PCDH7: variants seen among roughly 807,000 people sequenced by gnomAD.
PCDH7 encodes protocadherin-7.
In PCDH7, 17 loss-of-function variants were observed where a neutral mutation model predicts 58.9. The observed-to-expected ratio is 0.29, with a 90% CI of 0.20 to 0.43. The LOEUF is 0.43. Among genes scored for constraint, PCDH7 ranks in the 20% least tolerant of loss-of-function variants. The pLI, the probability that PCDH7 is intolerant of heterozygous loss-of-function variation, is 1.00. For missense variants in PCDH7, 1,274 were observed against 1,441.0 expected (o/e 0.88, Z 1.88); for synonymous variants, 664 against 616.4 (o/e 1.08, Z -1.14).
At chr4:30,824,921 G>T (rs1728912632) in intron 1 of PCDH7, among the ~76,000 whole-genome samples, 1 of 152,136 alleles carries the variant, frequency 6.6e-6, no homozygotes. Context: ...ACAGAGGCTG[G>T]AGTGGGGCTT....
At chr4:30,768,657 C>T (rs528342143) in intron 1 of PCDH7, among the ~76,000 whole-genome samples, 1 of 152,328 alleles carries the variant, frequency 6.6e-6, no homozygotes, top group South Asian at 2.1e-4. Flanking sequence ...CTGTTTTTAT[C>T]ACCAGTGAAC....
chr4:31,084,088 G>C (rs567656871), intron 3 of PCDH7, among the ~76,000 whole-genome samples: 1 of 152,222 alleles, frequency 6.6e-6, no homozygotes, highest in African/African-American at 2.4e-5. Flanking sequence ...TTATAAATTT[G>C]ATGTATAGTT....
chr4:30,885,959 AC>A (rs1453649879), intron 1 of PCDH7, among the ~76,000 whole-genome samples: 9 of 152,070 alleles, frequency 5.9e-5, no homozygotes, highest in Non-Finnish European at 8.8e-5. Flanking sequence ...TACACCTTAT[AC>A]AAAAATCAAT....
intron 1 of PCDH7, among the ~76,000 whole-genome samples, chr4:30,768,772 C>T (rs1163759026): frequency 6.6e-6 from 1 of 152,142 alleles, no homozygotes; most frequent in African/African-American, 2.4e-5. Flanking sequence ...TCTTTAAAAT[C>T]AGCTGGAAAC....
rs778046382 is a variant in PCDH7 at position 30,934,966 on chromosome 4, TC to T, written c.287+14599del. 2.0e-5 allele frequency among the ~76,000 whole-genome samples: 3 copies of T among 152,220 alleles called. No individual in the cohort carries two copies. In the East Asian group the frequency reaches 5.8e-4, roughly 29 times the overall value. On this transcript the variant is annotated intron_variant, in intron 2 of 3. Transcript: ENST00000509759. ...AATTATGATAATAACTGCCCTATCT[TC>T]CTCAAAGGTTTATGTGCAGTTGGAC...
At chr4:30,986,975 G>C (rs1751028279) in intron 3 of PCDH7, among the ~76,000 whole-genome samples, 1 of 144,806 alleles carries the variant, frequency 6.9e-6, no homozygotes, top group Non-Finnish European at 1.6e-5. Context: ...GCGAGATTCC[G>C]TCTCAAAAAA....
chr4:31,080,053 T>C (rs1016221280), intron 3 of PCDH7, among the ~76,000 whole-genome samples: 5 of 152,208 alleles, frequency 3.3e-5, no homozygotes, highest in Non-Finnish European at 7.3e-5. Context: ...AATACCTTCC[T>C]GCAATAAGAT....
chr4:31,131,128 T>C (rs1718928261), intron 3 of PCDH7, among the ~76,000 whole-genome samples: 1 of 152,146 alleles, frequency 6.6e-6, no homozygotes, highest in Non-Finnish European at 1.5e-5. Context: ...TCTAAATCCA[T>C]GCAGCCTGAG....
intron 3 of PCDH7, among the ~76,000 whole-genome samples, chr4:31,133,944 A>G (rs1560256033): frequency 6.6e-6 from 1 of 152,182 alleles, no homozygotes; most frequent in Non-Finnish European, 1.5e-5. Flanking sequence ...ACATGTTTAA[A>G]CATTTTAATA....
At chr4:30,787,342 T>C (rs1723539320) in intron 1 of PCDH7, among the ~76,000 whole-genome samples, 1 of 151,924 alleles carries the variant, frequency 6.6e-6, no homozygotes, top group African/African-American at 2.4e-5. Context: ...TCCGAGAAAA[T>C]TAGACAATTC....
At position 31,138,447 on chromosome 4, in the gene PCDH7, G is replaced by A. The variant is rs79898222; in HGVS notation, c.*8-4026G>A. Among the ~76,000 whole-genome samples the A allele has an allele frequency of 6.7e-3, 1,019 of 152,120 alleles. 16 individuals are homozygous for A. The highest frequency in any genetic ancestry group is 0.023 in the African/African-American group (965 of 41,482). On this transcript the variant is annotated intron_variant, in intron 3 of 3. Transcript: ENST00000509759. ...GACTGTAGCTTGTTCAGATGGTTAT[G>A]AGTAGCAGTCATTGACCTCTAAATA...
At chr4:30,875,056 G>A (rs539398902) in intron 1 of PCDH7, among the ~76,000 whole-genome samples, 6 of 152,146 alleles carry the variant, frequency 3.9e-5, no homozygotes, top group Admixed American at 2.6e-4. Flanking sequence ...CTTAGAGACT[G>A]TATTAGTTTG....
intron 3 of PCDH7, among the ~76,000 whole-genome samples, chr4:31,008,454 A>G (rs1752948427): frequency 6.6e-6 from 1 of 152,178 alleles, no homozygotes; most frequent in African/African-American, 2.4e-5. Context: ...TTGTTTTTCA[A>G]TTCATGAATT....
At chr4:31,136,564 T>C (rs917895997) in intron 3 of PCDH7, among the ~76,000 whole-genome samples, 1 of 152,168 alleles carries the variant, frequency 6.6e-6, no homozygotes, top group African/African-American at 2.4e-5. Flanking sequence ...CTGTAATAAA[T>C]TAAAAAACTC....
intron 3 of PCDH7, among the ~76,000 whole-genome samples, chr4:30,989,893 G>C (rs1247851178): frequency 1.3e-5 from 2 of 152,048 alleles, no homozygotes; most frequent in Non-Finnish European, 2.9e-5. Flanking sequence ...CAAAAGTTTT[G>C]CCTCAAACTA....
intron 1 of PCDH7, among the ~76,000 whole-genome samples, chr4:30,903,005 A>G (rs990635423): frequency 7.2e-5 from 11 of 152,140 alleles, no homozygotes; most frequent in African/African-American, 2.7e-4. Flanking sequence ...TTTAGGTTAT[A>G]TTATCAAATT....
chr4:30,823,197 A>G (rs1004803238), intron 1 of PCDH7, among the ~76,000 whole-genome samples: 2 of 152,136 alleles, frequency 1.3e-5, no homozygotes, highest in Non-Finnish European at 2.9e-5. Flanking sequence ...TTCAGCTGGT[A>G]AAAATATGGA....
intron 3 of PCDH7, among the ~76,000 whole-genome samples, chr4:31,025,358 A>G (rs1427506292): frequency 6.6e-6 from 1 of 152,194 alleles, no homozygotes; most frequent in Non-Finnish European, 1.5e-5. Context: ...TAGGAGAGTG[A>G]CTTGTTTCTT....
chr4:30,959,692 G>A (rs1009576458), intron 3 of PCDH7, among the ~76,000 whole-genome samples: 1 of 152,022 alleles, frequency 6.6e-6, no homozygotes, highest in Non-Finnish European at 1.5e-5. Flanking sequence ...TGACATCTAA[G>A]GATTTAGTTT....
Sources: gnomAD v4.1 joint callset for allele counts (sites outside exome capture counted in the v4.1 genomes callset) on GRCh38, gnomAD v4.1.1 for gene constraint, MANE v1.5 for transcripts, NCBI Gene and HGNC (gene_info 2026-07-23, HGNC 2026-07-21) for gene names.